Variants in SLCO6A1 observed in about 807,000 individuals in gnomAD.
The protein encoded by SLCO6A1 is solute carrier organic anion transporter family member 6A1.
Under a neutral mutation model 72.7 loss-of-function variants are expected in SLCO6A1, and 65 were observed. The observed-to-expected ratio is 0.89, with a 90% CI of 0.73 to 1.10. The LOEUF is 1.10. Among genes scored for constraint, SLCO6A1 ranks in the 50% least tolerant of loss-of-function variants. The probability of loss-of-function intolerance (pLI) is 0.00; values close to 1 mark genes in which losing one functional copy is unlikely to be tolerated. For synonymous variants in SLCO6A1, 314 were observed against 298.2 expected, an observed-to-expected ratio of 1.05 and a Z score of -0.55; for missense variants, 874 against 872.6, an observed-to-expected ratio of 1.00 and a Z score of -0.02.
intron 9 of SLCO6A1, among the ~76,000 whole-genome samples, chr5:102,403,893 T>C (rs888428267): frequency 6.6e-6 from 1 of 152,128 alleles, no homozygotes; most frequent in African/African-American, 2.4e-5. Context: ...CTGAATTTTA[T>C]ATTATATATA....
chr5:102,387,975 C>T (rs1004713105), intron 12 of SLCO6A1, among the ~76,000 whole-genome samples: 3 of 152,134 alleles, frequency 2.0e-5, no homozygotes. Flanking sequence ...CCCTATATCT[C>T]TTATTTATTC....
At chr5:102,456,599 A>G (rs1401068983) in intron 6 of SLCO6A1, among the ~76,000 whole-genome samples, 1 of 152,200 alleles carries the variant, frequency 6.6e-6, no homozygotes, top group Non-Finnish European at 1.5e-5. Context: ...AACGAAATAA[A>G]AGAGGATACA....
chr5:102,490,993 A>G (rs1471724736), intron 1 of SLCO6A1, among the ~76,000 whole-genome samples: 3 of 151,974 alleles, frequency 2.0e-5, no homozygotes, highest in African/African-American at 7.3e-5. Context: ...TGACTGCTCC[A>G]TTTTACAGAG....
Position 102,388,687 on chromosome 5 carries a change from C to T in SLCO6A1, c.2017+1G>A, listed in dbSNP as rs1048355517. 2 of 1,563,484 alleles carry T rather than the reference C, an allele frequency of 1.3e-6. No homozygotes were observed. The highest frequency in any genetic ancestry group is 1.7e-6 in the Non-Finnish European group (2 of 1,154,788). The stretch of plus-strand genomic sequence containing the variant: ...TAAGTTTTTTAATAAGTATCACTTA[C>T]ATATTCCTACCAATAAGAAAGCCAT... On this transcript the variant is annotated splice_donor_variant, in intron 12 of 13. Coordinates refer to ENST00000506729, the MANE Select transcript of SLCO6A1 (RefSeq NM_173488.5). LOFTEE classifies it high-confidence loss of function.
At chr5:102,399,791 A>G in intron 9 of SLCO6A1, 49 bp from the exon 10 acceptor site, 20 of 1,320,898 alleles carry the variant, frequency 1.5e-5, no homozygotes, top group Non-Finnish European at 1.9e-5. Flanking sequence ...ATAGTCATAA[A>G]CAAAAGTTCT....
chr5:102,397,760 A>T (rs1040323776), intron 10 of SLCO6A1, among the ~76,000 whole-genome samples: 7 of 152,172 alleles, frequency 4.6e-5, no homozygotes, highest in African/African-American at 1.7e-4. Context: ...ACATCTTCTG[A>T]ACCTACAAGC....
intron 9 of SLCO6A1, among the ~76,000 whole-genome samples, chr5:102,401,420 A>G (rs1747393103): frequency 6.6e-6 from 1 of 152,040 alleles, no homozygotes; most frequent in South Asian, 2.1e-4. Context: ...ATGGATATAT[A>G]AATGATATAT....
chr5:102,438,624 T>C lies in SLCO6A1; in HGVS notation c.1269A>G (p.Thr423=), dbSNP rs1340025592. 1 of 1,590,748 alleles carries C rather than the reference T, an allele frequency of 6.3e-7. No homozygotes were observed. The highest frequency in any genetic ancestry group is 1.8e-5 in the Admixed American group (1 of 54,466). ...QFILTPTVAT[T]LAGLVLIPGG... is the part of the protein sequence containing the mutation. ...ATAAGAAGGTAAATCTACCTGCAAG[T>C]GTAGTTGCCACAGTGGGTGTTAATA... The change falls in exon 7 of 14, where the codon ACA becomes ACG. Residue 423 remains threonine (T), a synonymous_variant. Transcript: ENST00000506729.
chr5:102,457,970 A>T (rs915625124), intron 6 of SLCO6A1, among the ~76,000 whole-genome samples: 1 of 152,196 alleles, frequency 6.6e-6, no homozygotes, highest in Non-Finnish European at 1.5e-5. Context: ...ATGAAGCTGG[A>T]AACCATCATT....
chr5:102,423,384 AT>A (rs1223210853), intron 7 of SLCO6A1, among the ~76,000 whole-genome samples: 19 of 152,210 alleles, frequency 1.2e-4, no homozygotes, highest in African/African-American at 4.3e-4. Flanking sequence ...GACCCATCTC[AT>A]GTGCAAAGAC....
chr5:102,481,399 C>T (rs147995003), intron 1 of SLCO6A1, among the ~76,000 whole-genome samples: 1 of 152,264 alleles, frequency 6.6e-6, no homozygotes, highest in African/African-American at 2.4e-5. Flanking sequence ...CCCAGCATTG[C>T]TCCTGATGCC....
intron 1 of SLCO6A1, among the ~76,000 whole-genome samples, chr5:102,485,584 C>T (rs917134405): frequency 5.3e-5 from 8 of 152,188 alleles, no homozygotes; most frequent in Non-Finnish European, 1.0e-4. Context: ...CTCACGTAAG[C>T]TTCCCTGGTT....
At chr5:102,446,698 T>C (rs1750126431) in intron 6 of SLCO6A1, among the ~76,000 whole-genome samples, 1 of 152,218 alleles carries the variant, frequency 6.6e-6, no homozygotes. Flanking sequence ...TATGGGTTTG[T>C]AATAGATGAC....
chr5:102,474,098 A>G (rs1329936637), intron 4 of SLCO6A1, among the ~76,000 whole-genome samples: 1 of 152,050 alleles, frequency 6.6e-6, no homozygotes, highest in Non-Finnish European at 1.5e-5. Flanking sequence ...ATGTGGAATC[A>G]GAAAAGACCC....
intron 1 of SLCO6A1, among the ~76,000 whole-genome samples, chr5:102,491,429 C>T (rs978692352): frequency 2.6e-5 from 4 of 152,208 alleles, no homozygotes; most frequent in Non-Finnish European, 4.4e-5. Flanking sequence ...GACTGGGCAC[C>T]GTGGAGCAGG....
At chr5:102,404,795 C>T (rs10052881) in intron 9 of SLCO6A1, among the ~76,000 whole-genome samples, 28,484 of 152,010 alleles carry the variant, frequency 0.19, 3,525 homozygotes, top group Non-Finnish European at 0.24. Flanking sequence ...AGAATGTATA[C>T]CTGTGCTCTA....
intron 6 of SLCO6A1, among the ~76,000 whole-genome samples, chr5:102,453,298 G>A (rs1304851040): frequency 6.6e-6 from 1 of 151,000 alleles, no homozygotes; most frequent in Non-Finnish European, 1.5e-5. Flanking sequence ...TGATCATGCT[G>A]CTGTGTTTCA....
intron 4 of SLCO6A1, among the ~76,000 whole-genome samples, chr5:102,466,808 T>A (rs1371161265): frequency 6.6e-6 from 1 of 152,202 alleles, no homozygotes; most frequent in East Asian, 1.9e-4. Context: ...GTGGACCACA[T>A]GTATGTCTTC....
intron 12 of SLCO6A1, among the ~76,000 whole-genome samples, chr5:102,378,683 T>G (rs894541761): frequency 2.0e-5 from 3 of 152,202 alleles, no homozygotes; most frequent in African/African-American, 7.2e-5. Flanking sequence ...TCATCCATAT[T>G]TTATGTAGTT....
Sources: allele counts gnomAD v4.1 joint callset (sites outside exome capture counted in the v4.1 genomes callset), GRCh38; gene constraint gnomAD v4.1.1; transcripts MANE v1.5; gene names NCBI Gene and HGNC (gene_info 2026-07-23, HGNC 2026-07-21).